Variants in PRKAR1B observed in about 807,000 individuals in gnomAD.
PRKAR1B encodes the protein cAMP-dependent protein kinase type I-beta regulatory subunit.
A neutral mutation model predicts 46.5 loss-of-function variants in PRKAR1B; 22 were observed. That is an observed-to-expected ratio of 0.47 (90% confidence interval 0.34 to 0.68). The LOEUF (loss-of-function observed/expected upper bound fraction) is 0.68. Among genes scored for constraint, PRKAR1B ranks in the 30% least tolerant of loss-of-function variants. The pLI is 0.01. For missense variants in PRKAR1B, 445 were observed against 535.6 expected, an observed-to-expected ratio of 0.83 and a Z score of 1.67; for synonymous variants, 259 against 217.7, an observed-to-expected ratio of 1.19 and a Z score of -1.67.
intron 4 of PRKAR1B, among the ~76,000 whole-genome samples, chr7:640,599 C>A (rs941425587): frequency 5.3e-5 from 8 of 152,002 alleles, no homozygotes; most frequent in Admixed American, 1.3e-4. Context: ...CCCATCTCTA[C>A]TAAAAATACA....
chr7:697,218 A>C (rs1779789402), intron 2 of PRKAR1B: 1 of 152,154 alleles, frequency 6.6e-6, no homozygotes, highest in African/African-American at 2.4e-5. Flanking sequence ...GATGAAGTGC[A>C]GACGTCCAGC....
At chr7:628,252 T>A (rs1009306658) in intron 4 of PRKAR1B, among the ~76,000 whole-genome samples, 4 of 152,234 alleles carry the variant, frequency 2.6e-5, no homozygotes, top group African/African-American at 9.6e-5. Context: ...TCCCACAGGC[T>A]GGACCCAGCC....
intron 6 of PRKAR1B, among the ~76,000 whole-genome samples, chr7:598,110 C>G (rs533341371): frequency 1.3e-5 from 2 of 152,260 alleles, no homozygotes; most frequent in African/African-American, 4.8e-5. Flanking sequence ...GCAGTCGCCA[C>G]TGGCACAGCT....
chr7:605,949 A>G (rs1386034336), intron 6 of PRKAR1B, among the ~76,000 whole-genome samples: 2 of 152,228 alleles, frequency 1.3e-5, no homozygotes, highest in Non-Finnish European at 2.9e-5. Context: ...AGCGGAAGAC[A>G]GCGGCCCTGG....
intron 4 of PRKAR1B, among the ~76,000 whole-genome samples, chr7:677,018 C>T (rs1255248501): frequency 6.2e-5 from 9 of 145,920 alleles, no homozygotes; most frequent in African/African-American, 1.3e-4. Context: ...GCAAGGAGGG[C>T]GGTGGTGATT....
At chr7:591,431 GCTT>G (rs200284375) in intron 7 of PRKAR1B, among the ~76,000 whole-genome samples, 3,700 of 152,322 alleles carry the variant, frequency 0.024, 148 homozygotes, top group African/African-American at 0.085. Flanking sequence ...GCTAGAAGTG[GCTT>G]CTTAACACCG....
intron 4 of PRKAR1B, among the ~76,000 whole-genome samples, chr7:660,392 A>C (rs1361562438): frequency 1.3e-5 from 2 of 150,314 alleles, no homozygotes; most frequent in Non-Finnish European, 3.0e-5. Flanking sequence ...ACAGGTCCCC[A>C]CCCCAACAGA....
At chr7:553,179 G>C (rs1476120906) in intron 9 of PRKAR1B, among the ~76,000 whole-genome samples, 1 of 152,206 alleles carries the variant, frequency 6.6e-6, no homozygotes, top group East Asian at 1.9e-4. Flanking sequence ...CGGGAACCTA[G>C]GAATGTCCCG....
chr7:642,681 C>A (rs112475365), intron 4 of PRKAR1B, among the ~76,000 whole-genome samples: 1 of 148,534 alleles, frequency 6.7e-6, no homozygotes, highest in Non-Finnish European at 1.5e-5. Flanking sequence ...GCCAGTGAGC[C>A]GAGATCCCGC....
chr7:609,530 C>T (rs991756082), intron 4 of PRKAR1B, among the ~76,000 whole-genome samples: 11 of 152,168 alleles, frequency 7.2e-5, no homozygotes, highest in Admixed American at 2.0e-4. Flanking sequence ...CCTTGCTATG[C>T]GTCTCCACTT....
intron 9 of PRKAR1B, among the ~76,000 whole-genome samples, chr7:574,456 T>C (rs1350271603): frequency 1.3e-5 from 2 of 152,152 alleles, no homozygotes; most frequent in African/African-American, 2.4e-5. Flanking sequence ...GATTTTTTTT[T>C]TTTTTTGAGA....
intron 9 of PRKAR1B, among the ~76,000 whole-genome samples, chr7:555,716 G>A (rs1778385289): frequency 6.6e-6 from 1 of 152,204 alleles, no homozygotes; most frequent in African/African-American, 2.4e-5. Flanking sequence ...GAAGCCCAGA[G>A]AGGTTGAGCA....
At chr7:687,047 T>C (rs914785986) in intron 2 of PRKAR1B, among the ~76,000 whole-genome samples, 1 of 152,206 alleles carries the variant, frequency 6.6e-6, no homozygotes, top group Admixed American at 6.5e-5. Context: ...AGTCCCTAAT[T>C]GGATAAGGGT....
chr7:618,772 C>T (rs1270663427), intron 4 of PRKAR1B, among the ~76,000 whole-genome samples: 2 of 152,182 alleles, frequency 1.3e-5, no homozygotes, highest in Non-Finnish European at 2.9e-5. Flanking sequence ...TTCTTTCCTG[C>T]TGATTTGCAG....
chr7:577,353 C>T (rs768308944), intron 9 of PRKAR1B, among the ~76,000 whole-genome samples: 32 of 152,154 alleles, frequency 2.1e-4, no homozygotes, highest in East Asian at 3.9e-4. Context: ...TCGGCGAGGA[C>T]GGGACCTTAA....
At chr7:572,364 C>CGT (rs938210479) in intron 9 of PRKAR1B, among the ~76,000 whole-genome samples, 5 of 152,144 alleles carry the variant, frequency 3.3e-5, no homozygotes, top group African/African-American at 1.2e-4. Context: ...GGCGTGACCC[C>CGT]GTGGGGTTGG....
chr7:597,050 C>G (rs1404437048), intron 6 of PRKAR1B, among the ~76,000 whole-genome samples: 2 of 152,256 alleles, frequency 1.3e-5, no homozygotes, highest in African/African-American at 4.8e-5. Flanking sequence ...ACAGTTGGGT[C>G]CGTGCAAGAA....
intron 4 of PRKAR1B, among the ~76,000 whole-genome samples, chr7:611,591 C>G (rs185394469): frequency 9.8e-5 from 15 of 152,350 alleles, no homozygotes; most frequent in Non-Finnish European, 2.1e-4. Flanking sequence ...GGATGGCTTC[C>G]GCCTCCCACA....
At chr7:669,035 A>G (rs896582360) in intron 4 of PRKAR1B, among the ~76,000 whole-genome samples, 3 of 152,236 alleles carry the variant, frequency 2.0e-5, no homozygotes, top group African/African-American at 7.2e-5. Context: ...CCATGTTCAC[A>G]GCAGCACTAA....
Sources: gnomAD v4.1 joint callset for allele counts (sites outside exome capture counted in the v4.1 genomes callset) on GRCh38, gnomAD v4.1.1 for gene constraint, MANE v1.5 for transcripts, NCBI Gene and HGNC (gene_info 2026-07-23, HGNC 2026-07-21) for gene names.